Variants in PTPRD observed in about 807,000 individuals in gnomAD.
The protein encoded by PTPRD is protein tyrosine phosphatase receptor type D, also known as receptor-type tyrosine-protein phosphatase delta.
Under a neutral mutation model 214.5 loss-of-function variants are expected in PTPRD, and 34 were observed. The observed-to-expected ratio is 0.16, with a 90% CI of 0.12 to 0.21. The LOEUF (loss-of-function observed/expected upper bound fraction) is 0.21. Among genes scored for constraint, PTPRD ranks in the 10% least tolerant of loss-of-function variants. The pLI is 1.00. For missense variants in PTPRD, 2,545 were observed against 2,398.7 expected, an observed-to-expected ratio of 1.06 and a Z score of -1.27; for synonymous variants, 1,128 against 845.7, an observed-to-expected ratio of 1.33 and a Z score of -5.79.
intron 10 of PTPRD, among the ~76,000 whole-genome samples, chr9:9,021,984 G>A (rs959273368): frequency 1.4e-4 from 21 of 151,232 alleles, no homozygotes; most frequent in Admixed American, 2.6e-4. Flanking sequence ...GGGGTGGGGG[G>A]CAAGGGGAGG....
intron 5 of PTPRD, among the ~76,000 whole-genome samples, chr9:9,779,296 C>CA (rs933700620): frequency 2.0e-5 from 3 of 151,602 alleles, no homozygotes; most frequent in African/African-American, 4.8e-5. Flanking sequence ...TTGGCTTTGA[C>CA]AAAAAAAATT....
intron 2 of PTPRD, among the ~76,000 whole-genome samples, chr9:10,377,551 T>A (rs1382937568): frequency 6.6e-6 from 1 of 152,022 alleles, no homozygotes; most frequent in East Asian, 1.9e-4. Context: ...TTTGTTTTTT[T>A]TGTCCTTGCA....
At chr9:8,887,430 G>T (rs1311419500) in intron 11 of PTPRD, among the ~76,000 whole-genome samples, 1 of 152,206 alleles carries the variant, frequency 6.6e-6, no homozygotes, top group African/African-American at 2.4e-5. Flanking sequence ...AAATGATTCA[G>T]TCACTGGGTG....
intron 44 of PTPRD, among the ~76,000 whole-genome samples, chr9:8,327,093 CTT>C (rs1320646396): frequency 6.7e-6 from 1 of 149,882 alleles, no homozygotes; most frequent in Non-Finnish European, 1.5e-5. Context: ...TTTGTTTGCT[CTT>C]GTTACTCTAG....
intron 5 of PTPRD, among the ~76,000 whole-genome samples, chr9:9,931,571 G>T (rs899115830): frequency 6.6e-6 from 1 of 152,134 alleles, no homozygotes; most frequent in Non-Finnish European, 1.5e-5. Flanking sequence ...GGCTCGGAGG[G>T]TCCTATGCCC....
chr9:9,812,011 G>A (rs529396886), intron 5 of PTPRD, among the ~76,000 whole-genome samples: 71 of 152,240 alleles, frequency 4.7e-4, no homozygotes, highest in African/African-American at 1.6e-3. Flanking sequence ...TTACCACCCT[G>A]ATCAGTTAGC....
intron 3 of PTPRD, among the ~76,000 whole-genome samples, chr9:10,315,576 T>G (rs1033174992): frequency 2.0e-5 from 3 of 151,988 alleles, no homozygotes; most frequent in African/African-American, 7.2e-5. Flanking sequence ...GTTTGCATTG[T>G]ATTTCTATGC....
rs368663018 is a variant in PTPRD, at chr9:9,554,970, A to G, written c.-237+19762T>C. On this transcript the variant is annotated intron_variant, in intron 8 of 45. Coordinates refer to ENST00000381196, the MANE Select transcript of PTPRD (RefSeq NM_002839.4). ...TTCTATATTATACAAGCTATTTTAT[A>G]TCTATGATTTTGTCTAATGGGTTAG... 4.9e-4 allele frequency among the ~76,000 whole-genome samples: 75 copies of G among 152,018 alleles called. 1 individual carries two copies. The South Asian group carries it at 0.013, about 27-fold the overall frequency.
chr9:10,304,700 A>C (rs544735649), intron 3 of PTPRD, among the ~76,000 whole-genome samples: 5 of 152,302 alleles, frequency 3.3e-5, no homozygotes, highest in African/African-American at 1.2e-4. Flanking sequence ...CTAACTTACA[A>C]GGTATGTGAA....
chr9:9,237,969 T>C (rs1472682262), intron 9 of PTPRD, among the ~76,000 whole-genome samples: 1 of 152,156 alleles, frequency 6.6e-6, no homozygotes, highest in Non-Finnish European at 1.5e-5. Flanking sequence ...TCACCTTTGA[T>C]TTTCTGTCCA....
In PTPRD at chr9:8,806,300, G is replaced by GT. The variant is rs577425166; in HGVS notation, c.-103-72355dup. Among the ~76,000 whole-genome samples the GT allele has an allele frequency of 4.0e-4, 60 of 151,566 alleles. No homozygotes were observed. In the South Asian group the frequency reaches 0.012, roughly 31 times the overall value. ...TAACTTAATGTGCACATATTAATGT[G>GT]TGCATAAATATCACACTTTCATTTC... On this transcript the variant is annotated intron_variant, in intron 11 of 45. Coordinates refer to ENST00000381196, the MANE Select transcript of PTPRD (RefSeq NM_002839.4).
intron 14 of PTPRD, among the ~76,000 whole-genome samples, chr9:8,572,113 G>C (rs1356405093): frequency 6.6e-6 from 1 of 152,088 alleles, no homozygotes; most frequent in African/African-American, 2.4e-5. Flanking sequence ...AGCACTCAAA[G>C]AGCTCATTTA....
rs944356646 is a variant in PTPRD at position 8,889,349 on chromosome 9, A to G, written c.-104+129348T>C. Among the ~76,000 whole-genome samples the G allele has an allele frequency of 3.9e-5, 6 of 152,318 alleles. No homozygotes were observed. The East Asian group carries it at 1.2e-3, about 29-fold the overall frequency. On this transcript the variant is annotated intron_variant, in intron 11 of 45. Coordinates refer to ENST00000381196, the MANE Select transcript of PTPRD (RefSeq NM_002839.4). ...CCCCTGAATTCTCAGCTCCTAGCAAAGTTCCTGGCACATAGTAGGCAATAT... is the reference window on the plus strand; with the variant it reads ...CCCCTGAATTCTCAGCTCCTAGCAAGGTTCCTGGCACATAGTAGGCAATAT...
intron 8 of PTPRD, among the ~76,000 whole-genome samples, chr9:9,445,506 CAT>C (rs2090072086): frequency 6.6e-6 from 1 of 152,102 alleles, no homozygotes; most frequent in Admixed American, 6.6e-5. Flanking sequence ...TTAATTGACT[CAT>C]AGTTCTGCAT....
At chr9:9,573,716 A>G (rs1227086365) in intron 8 of PTPRD, among the ~76,000 whole-genome samples, 1 of 151,846 alleles carries the variant, frequency 6.6e-6, no homozygotes, top group Non-Finnish European at 1.5e-5. Context: ...TTCTCCCATT[A>G]TCAGCAAAGT....
chr9:9,600,291 T>C lies in PTPRD; in HGVS notation c.-286-25510A>G, dbSNP rs145633316. ...AGGAAGTACAATTAACAGGTTTAAGTAAAAAATGTACACACCAGTATGTTT... is the reference window on the plus strand; with the variant it reads ...AGGAAGTACAATTAACAGGTTTAAGCAAAAAATGTACACACCAGTATGTTT... On this transcript the variant is annotated intron_variant, in intron 7 of 45. Transcript: ENST00000381196. 3.9e-5 allele frequency among the ~76,000 whole-genome samples: 6 copies of C among 152,192 alleles called. No homozygotes were observed. In the East Asian group the frequency reaches 1.2e-3, roughly 29 times the overall value.
intron 4 of PTPRD, among the ~76,000 whole-genome samples, chr9:10,015,021 A>G (rs1423850164): frequency 6.6e-6 from 1 of 152,128 alleles, no homozygotes; most frequent in Non-Finnish European, 1.5e-5. Context: ...GAGTAGTTCT[A>G]TTATGGGTAA....
chr9:10,567,272 G>GA (rs1000558545), intron 2 of PTPRD, among the ~76,000 whole-genome samples: 1 of 151,824 alleles, frequency 6.6e-6, no homozygotes, highest in Non-Finnish European at 1.5e-5. Context: ...GTCACAAAAT[G>GA]AAAATGAAAT....
At chr9:9,149,485 T>C (rs568561313) in intron 10 of PTPRD, among the ~76,000 whole-genome samples, 48 of 152,282 alleles carry the variant, frequency 3.2e-4, no homozygotes, top group Admixed American at 1.0e-3. Flanking sequence ...AAAGAATTTA[T>C]TGGTGGTGTT....
Sources: gnomAD v4.1 joint callset for allele counts (sites outside exome capture counted in the v4.1 genomes callset) on GRCh38, gnomAD v4.1.1 for gene constraint, MANE v1.5 for transcripts, NCBI Gene and HGNC (gene_info 2026-07-23, HGNC 2026-07-21) for gene names.